Variants in AKAP13 observed in about 807,000 individuals in gnomAD.
The protein encoded by AKAP13 is A-kinase anchor protein 13.
Under a neutral mutation model 264.5 loss-of-function variants are expected in AKAP13, and 80 were observed. The observed-to-expected ratio is 0.30, with a 90% CI of 0.25 to 0.36. The LOEUF (loss-of-function observed/expected upper bound fraction) is 0.36, where lower values mean the gene tolerates loss of function less well. Ranked by LOEUF, AKAP13 falls within the 10% of genes least tolerant of loss-of-function variation. The pLI is 1.00. For missense variants in AKAP13, 3,712 were observed against 3,435.2 expected (o/e 1.08, Z -2.01); for synonymous variants, 1,380 against 1,250.2 (o/e 1.10, Z -2.19).
rs777590221 is a variant in AKAP13 at position 85,579,501 on chromosome 15, C to T, written c.1433C>T (p.Thr478Ile). The T allele has an allele frequency of 1.9e-6, 3 of 1,614,166 alleles. No homozygotes were observed. The highest frequency in any genetic ancestry group is 1.1e-5 in the South Asian group (1 of 91,078). ...ACAACAAATGTCAGTACCCCAGACA[C>T]TGCAGGGGAAATGGAACATGGGCTC... ...ISTTNVSTPD[T>I]AGEMEHGLMN... is the part of the protein sequence containing the mutation. Residue 478 changes from threonine (T) to isoleucine (I), a missense_variant, in exon 7 of 37, where the codon ACT (threonine) becomes ATT (isoleucine). Thr to Ile is a moderately conservative substitution (Grantham distance 89). Transcript: ENST00000394518.
chr15:85,425,172 C>T (rs1355986834), intron 1 of AKAP13, among the ~76,000 whole-genome samples: 1 of 151,986 alleles, frequency 6.6e-6, no homozygotes, highest in Non-Finnish European at 1.5e-5. Context: ...TGTAGGGTTG[C>T]CACAGACCTT....
intron 5 of AKAP13, among the ~76,000 whole-genome samples, chr15:85,573,929 G>GT (rs149272818): frequency 2.6e-5 from 4 of 152,328 alleles, no homozygotes; most frequent in Non-Finnish European, 4.4e-5. Flanking sequence ...CATAGATGTA[G>GT]TTTTTTATGC....
rs1228123640 is a variant in AKAP13 at position 85,580,337 on chromosome 15, G to C, written c.2269G>C (p.Glu757Gln). The C allele has an allele frequency of 1.2e-6, 2 of 1,614,228 alleles. No individual in the cohort carries two copies. Among genetic ancestry groups the C allele is most frequent in the South Asian group, 1.1e-5 (1 of 91,078 alleles). The change falls in exon 7 of 37, where the codon GAG (glutamate) becomes CAG (glutamine). Residue 757 changes from glutamate to glutamine, a missense_variant. Physicochemically the swap from Glu to Gln is conservative, Grantham distance 29. Transcript: ENST00000394518. ...AGATAAACCTTTAACAAATATGCTT[G>C]AGGTGGTTTCACATCCACATCCAGT... Reference protein sequence around the residue: ...KLDKPLTNMLEVVSHPHPVVP... With the variant: ...KLDKPLTNMLQVVSHPHPVVP...
intron 8 of AKAP13, among the ~76,000 whole-genome samples, chr15:85,592,774 TAA>T (rs1354062347): frequency 1.3e-5 from 2 of 152,218 alleles, no homozygotes; most frequent in Non-Finnish European, 2.9e-5. Flanking sequence ...TACAAATTTT[TAA>T]TACAATTGTG....
At chr15:85,726,282 A>G (rs2087611635) in intron 26 of AKAP13, 128 bp from the exon 27 acceptor site, 2 of 628,474 alleles carry the variant, frequency 3.2e-6, no homozygotes, top group Admixed American at 6.0e-5. Context: ...GTGTGATCTC[A>G]GATCATAGTT....
At chr15:85,719,980 C>A (rs1287265810) in intron 23 of AKAP13, among the ~76,000 whole-genome samples, 1 of 151,928 alleles carries the variant, frequency 6.6e-6, no homozygotes, top group Non-Finnish European at 1.5e-5. Flanking sequence ...CACCTGTAAT[C>A]CCAACAGTTC....
intron 35 of AKAP13, among the ~76,000 whole-genome samples, chr15:85,741,726 A>AAC (rs2088998190): frequency 9.6e-6 from 1 of 104,362 alleles, no homozygotes; most frequent in African/African-American, 4.9e-5. Flanking sequence ...ACAAACAAAC[A>AAC]AACAAAAAAA....
intron 8 of AKAP13, among the ~76,000 whole-genome samples, chr15:85,609,903 A>G (rs1179069320): frequency 6.6e-6 from 1 of 152,062 alleles, no homozygotes; most frequent in Admixed American, 6.5e-5. Context: ...TCAGCCAGAG[A>G]TCCTCTTCCT....
chr15:85,512,845 GTATGTATGTATGTA>G, intron 2 of AKAP13, among the ~76,000 whole-genome samples: 1 of 151,524 alleles, frequency 6.6e-6, no homozygotes, highest in Non-Finnish European at 1.5e-5. Context: ...ATGTATGTAT[GTATGTATGTATGTA>G]TGTATGTATG....
In AKAP13 at chr15:85,581,440, A is replaced by G. The variant is rs1397397567; in HGVS notation, c.3372A>G (p.Gln1124=). Residue 1124 remains glutamine, a synonymous_variant, in exon 7 of 37, where the codon CAA becomes CAG. Coordinates refer to ENST00000394518, the MANE Select transcript of AKAP13 (RefSeq NM_007200.5). ...TGATTCCAAACGTCTTGTTGAGCCA[A>G]GAGAAGAATGCCGTTCTAGGTTTGC... ...DILIPNVLLS[Q]EKNAVLGLPV... 3 of 1,614,252 alleles carry G rather than the reference A, an allele frequency of 1.9e-6. No individual in the cohort carries two copies. The highest frequency in any genetic ancestry group is 2.2e-5 in the South Asian group (2 of 91,084).
At chr15:85,403,768 G>C (rs1378195686) in intron 1 of AKAP13, among the ~76,000 whole-genome samples, 1 of 151,384 alleles carries the variant, frequency 6.6e-6, no homozygotes, top group African/African-American at 2.4e-5. Context: ...TTGAACCCGG[G>C]AGGTGGTTCA....
chr15:85,653,045 T>C (rs536341863), intron 10 of AKAP13, among the ~76,000 whole-genome samples: 2 of 152,194 alleles, frequency 1.3e-5, no homozygotes, highest in Admixed American at 6.5e-5. Context: ...AGCCGAGATA[T>C]TCACGAGACC....
chr15:85,506,742 G>A (rs1170740330), intron 2 of AKAP13, among the ~76,000 whole-genome samples: 2 of 152,128 alleles, frequency 1.3e-5, no homozygotes, highest in Non-Finnish European at 2.9e-5. Flanking sequence ...GTTTATGATC[G>A]TCTTGCCTGA....
intron 8 of AKAP13, among the ~76,000 whole-genome samples, chr15:85,630,547 T>C (rs2081725147): frequency 6.6e-6 from 1 of 152,242 alleles, no homozygotes; most frequent in Non-Finnish European, 1.5e-5. Flanking sequence ...CAAGCTATTT[T>C]ACTACTTCTG....
rs2071375015 is a variant in AKAP13, at chr15:85,400,600, T to G, written c.-12+19802T>G. On this transcript the variant is annotated intron_variant, in intron 1 of 36. Coordinates refer to ENST00000394518, the MANE Select transcript of AKAP13 (RefSeq NM_007200.5). Reference sequence around the variant, plus strand: ...CCTTTTTCTCTGAGCCAAAGATTAGTCAACTGGTCTCAGCTATAATAATGA... The same window carrying G: ...CCTTTTTCTCTGAGCCAAAGATTAGGCAACTGGTCTCAGCTATAATAATGA... Among the ~76,000 whole-genome samples the G allele has an allele frequency of 2.6e-5, 4 of 152,116 alleles. No individual in the cohort carries two copies. In the South Asian group the frequency reaches 8.3e-4, roughly 32 times the overall value.
intron 1 of AKAP13, among the ~76,000 whole-genome samples, chr15:85,462,066 C>T (rs912282572): frequency 1.3e-5 from 2 of 152,186 alleles, no homozygotes; most frequent in Non-Finnish European, 2.9e-5. Flanking sequence ...TACATGAAGA[C>T]ACTAGAGAGT....
intron 1 of AKAP13, among the ~76,000 whole-genome samples, chr15:85,468,932 T>TA (rs2074852826): frequency 7.3e-6 from 1 of 137,614 alleles, no homozygotes; most frequent in East Asian, 2.1e-4. Context: ...TTTTTTTTTT[T>TA]AATCAGACTT....
At chr15:85,421,394 A>G (rs1596114443) in intron 1 of AKAP13, among the ~76,000 whole-genome samples, 1 of 152,244 alleles carries the variant, frequency 6.6e-6, no homozygotes, top group South Asian at 2.1e-4. Context: ...CTGTATTGAG[A>G]AAGTCTTCAC....
At chr15:85,668,540 A>G (rs890560352) in intron 13 of AKAP13, among the ~76,000 whole-genome samples, 1 of 152,244 alleles carries the variant, frequency 6.6e-6, no homozygotes, top group Admixed American at 6.5e-5. Context: ...ATGTAGAATC[A>G]CTATCATCTT....
Sources: allele counts gnomAD v4.1 joint callset (sites outside exome capture counted in the v4.1 genomes callset), GRCh38; gene constraint gnomAD v4.1.1; transcripts MANE v1.5; gene names NCBI Gene and HGNC (gene_info 2026-07-23, HGNC 2026-07-21).